The following GPX8 variants were observed in gnomAD, a reference collection of about 807,000 sequenced individuals.
The protein encoded by GPX8 is glutathione peroxidase 8 (putative), also known as protein peroxidase GPX8.
GPX8 carries 12 observed loss-of-function variants against 17.8 expected under a neutral mutation model. The observed-to-expected ratio is 0.67, with a 90% CI of 0.43 to 1.09. The LOEUF (loss-of-function observed/expected upper bound fraction) is 1.09. GPX8 is among the 50% of genes least tolerant of loss of function. The pLI is 0.00. For synonymous variants in GPX8, 86 were observed against 88.1 expected (o/e 0.98, Z 0.14); for missense variants, 209 against 235.6 (o/e 0.89, Z 0.74).
Position 55,166,840 on chromosome 5 carries a change from C to A in GPX8, c.*2622C>A, listed in dbSNP as rs894693801. 3 of 152,140 alleles carry A rather than the reference C, an allele frequency of 2.0e-5. No individual in the cohort carries two copies. Among genetic ancestry groups the A allele is most frequent in the Non-Finnish European group, 4.4e-5 (3 of 68,074 alleles). 9.4% of individuals were successfully genotyped at this position (152,140 alleles called of 1,614,324 possible). On this transcript the variant is annotated 3_prime_UTR_variant, in exon 3 of 3. Coordinates refer to ENST00000503787, the MANE Select transcript of GPX8 (RefSeq NM_001008397.4). ...GGTCAGGAGTTCGAGACCATCCTGGCCAACATGGTGAAACCCCCATCTCTA... is the reference window on the plus strand; with the variant it reads ...GGTCAGGAGTTCGAGACCATCCTGGACAACATGGTGAAACCCCCATCTCTA...
In GPX8 at chr5:55,161,131, G is replaced by A. The variant is rs1371337787; in HGVS notation, c.342G>A (p.Ser114=). The change falls in exon 2 of 3, where the codon TCG becomes TCA. Residue 114 remains serine, a synonymous_variant. Transcript: ENST00000503787. ...LAFPCNQFGE[S]EPRPSKEVES... ...TTCCCTGCAATCAGTTTGGAGAATC[G>A]GAGCCCCGCCCAAGCAAGGAAGTAG... 6 of 1,614,120 alleles carry A rather than the reference G, an allele frequency of 3.7e-6. No individual in the cohort carries two copies. The highest frequency in any genetic ancestry group is 4.2e-6 in the Non-Finnish European group (5 of 1,180,036).
At position 55,164,886 on chromosome 5, in the gene GPX8, G is replaced by T. The variant is rs1034074654; in HGVS notation, c.*668G>T. 6.6e-6 allele frequency: 1 copy of T among 151,996 alleles called. No homozygotes were observed. The highest frequency in any genetic ancestry group is 6.6e-5 in the Admixed American group (1 of 15,266). The allele number at this position is 151,996 out of a possible 1,614,324, so 9.4% of individuals were successfully genotyped here. On this transcript the variant is annotated 3_prime_UTR_variant, in exon 3 of 3. Transcript: ENST00000503787. ...TATAAATAGTCATTTATAAATGACC[G>T]TATTATAACATTTGAAAAAGTCTTC...
rs972371001 is a variant in GPX8, at chr5:55,160,207, A to G, written c.15A>G (p.Ala5=). The G allele has an allele frequency of 1.2e-6, 2 of 1,613,934 alleles. No homozygotes were observed. The highest frequency in any genetic ancestry group is 1.7e-5 in the Admixed American group (1 of 60,016). ...AATCCTCCAACATGGAGCCTCTTGC[A>G]GCTTACCCGCTAAAATGTTCCGGGC... The part of the protein sequence containing the change: MEPL[A]AYPLKCSGPR... Residue 5 remains alanine (A), a synonymous_variant, in exon 1 of 3, where the codon GCA becomes GCG. Transcript: ENST00000503787.
chr5:55,164,564 CCTCAATAT>C lies in GPX8; in HGVS notation c.*349_*356del, dbSNP rs377669720. 829 of 158,830 alleles carry C rather than the reference CCTCAATAT, an allele frequency of 5.2e-3. 7 individuals carry two copies. Among genetic ancestry groups the C allele is most frequent in the African/African-American group, 0.019 (790 of 41,820 alleles). The allele number at this position is 158,830 out of a possible 1,614,324, so 9.8% of individuals were successfully genotyped here. ...TTCAGAATACACAGTGACCAATGTG[CCTCAATAT>C]CTTATTGTTCAACTTGACATTTTCT... On this transcript the variant is annotated 3_prime_UTR_variant, in exon 3 of 3. Coordinates refer to ENST00000503787, the MANE Select transcript of GPX8 (RefSeq NM_001008397.4).
Position 55,166,557 on chromosome 5 carries a change from C to G in GPX8, c.*2339C>G, listed in dbSNP as rs1437833183. On this transcript the variant is annotated 3_prime_UTR_variant, in exon 3 of 3. Coordinates refer to ENST00000503787, the MANE Select transcript of GPX8 (RefSeq NM_001008397.4). ...CTGAGAGAGGGAGCGGAGTCATTTG[C>G]TGATGTGCTGCTACCTGTAACTCAA... 2.6e-5 allele frequency: 4 copies of G among 152,246 alleles called. No individual in the cohort carries two copies. The highest frequency in any genetic ancestry group is 4.4e-5 in the Non-Finnish European group (3 of 68,064). 9.4% of individuals were successfully genotyped at this position (152,246 alleles called of 1,614,324 possible). A position where few individuals can be genotyped will look rare whatever the true frequency, so the allele number is the denominator to read the frequency against.
chr5:55,160,853 C>A, intron 1 of GPX8, 141 bp from the exon 2 acceptor site: 1 of 861,886 alleles, frequency 1.2e-6, no homozygotes, highest in Non-Finnish European at 1.7e-6. Context: ...TTCAATAGAA[C>A]TGTGTATGTC....
At chr5:55,161,283 T>C (rs368112512) in intron 2 of GPX8, 28 bp downstream of exon 2, 1 of 1,590,804 alleles carries the variant, frequency 6.3e-7, no homozygotes, top group African/African-American at 1.4e-5. Flanking sequence ...ATATGCTGTT[T>C]TAAATTGCTT....
In GPX8 at chr5:55,164,230, C is replaced by G. The variant is rs374800679; in HGVS notation, c.*12C>G. ...AAGAGGATCTATGAGAATGCCATTG[C>G]GTTTCTAATAGAACAGAGAAATGTC... On this transcript the variant is annotated 3_prime_UTR_variant, in exon 3 of 3. Coordinates refer to ENST00000503787, the MANE Select transcript of GPX8 (RefSeq NM_001008397.4). The G allele has an allele frequency of 4.0e-6, 6 of 1,508,130 alleles. No homozygotes were observed. Among genetic ancestry groups the G allele is most frequent in the Non-Finnish European group, 5.4e-6 (6 of 1,117,948 alleles). 93.4% of individuals were successfully genotyped at this position (1,508,130 alleles called of 1,614,324 possible). A position where few individuals can be genotyped will look rare whatever the true frequency, so the allele number is the denominator to read the frequency against.
chr5:55,166,639 A>G lies in GPX8; in HGVS notation c.*2421A>G, dbSNP rs932424091. On this transcript the variant is annotated 3_prime_UTR_variant, in exon 3 of 3. Transcript: ENST00000503787. ...ATAGAGGAAAAGTTGAATCTTTCCT[A>G]TATTGGACAATCTTCCTTCAGTCTT... is the stretch of plus-strand genomic sequence containing the variant. 6.6e-6 allele frequency: 1 copy of G among 152,204 alleles called. No individual in the cohort carries two copies. Among genetic ancestry groups the G allele is most frequent in the Non-Finnish European group, 1.5e-5 (1 of 68,052 alleles). 9.4% of individuals were successfully genotyped at this position (152,204 alleles called of 1,614,324 possible).
chr5:55,162,351 C>T (rs916743313), intron 2 of GPX8, among the ~76,000 whole-genome samples: 1 of 152,094 alleles, frequency 6.6e-6, no homozygotes, highest in Non-Finnish European at 1.5e-5. Flanking sequence ...GCTGAAATCG[C>T]GCTACTGCAC....
chr5:55,164,440 A>G lies in GPX8; in HGVS notation c.*222A>G. 1 of 311,404 alleles carries G rather than the reference A, an allele frequency of 3.2e-6. No individual in the cohort carries two copies. 19.3% of individuals were successfully genotyped at this position (311,404 alleles called of 1,614,324 possible). On this transcript the variant is annotated 3_prime_UTR_variant, in exon 3 of 3. Coordinates refer to ENST00000503787, the MANE Select transcript of GPX8 (RefSeq NM_001008397.4). ...TTATCTTGCTATTAAGTGGTAATGA[A>G]TGTTCCCAGGATGAGGATGTTACCC...
At chr5:55,163,962 A>T in intron 2 of GPX8, 93 bp from the exon 3 acceptor site, 2 of 962,632 alleles carry the variant, frequency 2.1e-6, no homozygotes, top group Non-Finnish European at 1.5e-6. Flanking sequence ...AGAACTTGAT[A>T]CTAAAGTTAT....
intron 2 of GPX8, among the ~76,000 whole-genome samples, chr5:55,163,539 T>C (rs1744204772): frequency 6.6e-6 from 1 of 151,896 alleles, no homozygotes; most frequent in Admixed American, 6.6e-5. Flanking sequence ...AGAGTTTCAC[T>C]CTTGTCCCCC....
At chr5:55,160,560 G>T in intron 1 of GPX8, 164 bp downstream of exon 1, 1 of 572,944 alleles carries the variant, frequency 1.7e-6, no homozygotes, top group East Asian at 2.9e-5. Flanking sequence ...CTGATAGTTT[G>T]CTTCTAAATA....
rs756356113 is a variant in GPX8 at position 55,165,557 on chromosome 5, C to T, written c.*1339C>T. ...CTACCTCAGTATATAGTTCTGTATA[C>T]GTATTTGGACCAAAGTTATTAGATA... On this transcript the variant is annotated 3_prime_UTR_variant, in exon 3 of 3. Coordinates refer to ENST00000503787, the MANE Select transcript of GPX8 (RefSeq NM_001008397.4). 1.8e-4 allele frequency: 28 copies of T among 152,172 alleles called. 1 individual carries two copies. The highest frequency in any genetic ancestry group is 3.2e-4 in the Non-Finnish European group (22 of 68,032). The allele number at this position is 152,172 out of a possible 1,614,324, so 9.4% of individuals were successfully genotyped here.
chr5:55,160,323 T>C lies in GPX8; in HGVS notation c.131T>C (p.Ile44Thr). ...LLQLKFLKPKINSFYAFEVKD... is the reference protein window; with the variant it reads ...LLQLKFLKPKTNSFYAFEVKD... The stretch of plus-strand genomic sequence containing the variant: ...CAACTAAAATTCCTCAAACCTAAAA[T>C]CAACAGCTTTTATGCCTTTGAAGTG... The change falls in exon 1 of 3, where the codon ATC becomes ACC. Residue 44 changes from isoleucine to threonine, a missense_variant. Physicochemically the swap from Ile to Thr is moderately conservative, Grantham distance 89. Coordinates refer to ENST00000503787, the MANE Select transcript of GPX8 (RefSeq NM_001008397.4). 6.2e-7 allele frequency: 1 copy of C among 1,613,862 alleles called. No individual in the cohort carries two copies. Among genetic ancestry groups the C allele is most frequent in the African/African-American group, 1.3e-5 (1 of 75,036 alleles).
Position 55,164,286 on chromosome 5 carries a change from T to G in GPX8, c.*68T>G, listed in dbSNP as rs1744260606. On this transcript the variant is annotated 3_prime_UTR_variant, in exon 3 of 3. Coordinates refer to ENST00000503787, the MANE Select transcript of GPX8 (RefSeq NM_001008397.4). ...GAGGGTTTGGTCTCATTTTAAACAT[T>G]TTTTTTTTGGAGACAGTGTCTCACT... is the stretch of plus-strand genomic sequence containing the variant. The G allele has an allele frequency of 5.6e-6, 7 of 1,242,722 alleles. No individual in the cohort carries two copies. The highest frequency in any genetic ancestry group is 5.5e-5 in the Admixed American group (2 of 36,174). The allele number at this position is 1,242,722 out of a possible 1,614,324, so 77.0% of individuals were successfully genotyped here.
At chr5:55,162,090 C>CAAAAAAAAA (rs34286995) in intron 2 of GPX8, among the ~76,000 whole-genome samples, 1 of 90,730 alleles carries the variant, frequency 1.1e-5, no homozygotes, top group Non-Finnish European at 2.2e-5. Context: ...CCATATTAGT[C>CAAAAAAAAA]AAAAAAAAAA....
At position 55,164,209 on chromosome 5, in the gene GPX8, G is replaced by T. The variant is rs760359578; in HGVS notation, c.621G>T (p.Glu207Asp). The T allele has an allele frequency of 1.4e-5, 21 of 1,536,948 alleles. No individual in the cohort carries two copies. The highest frequency in any genetic ancestry group is 1.8e-5 in the Non-Finnish European group (20 of 1,135,016). ...LVRQVIIKKKEDL is the reference protein window; with the variant it reads ...LVRQVIIKKKDDL ...GACAAGTGATCATAAAAAAGAAAGA[G>T]GATCTATGAGAATGCCATTGCGTTT... The change falls in exon 3 of 3, where the codon GAG (glutamate) becomes GAT (aspartate). Residue 207 changes from glutamate (E) to aspartate (D), a missense_variant. Glu to Asp is a conservative substitution (Grantham distance 45). Coordinates refer to ENST00000503787, the MANE Select transcript of GPX8 (RefSeq NM_001008397.4).
Sources: gnomAD v4.1 joint callset for allele counts (sites outside exome capture counted in the v4.1 genomes callset) on GRCh38, gnomAD v4.1.1 for gene constraint, MANE v1.5 for transcripts, NCBI Gene and HGNC (gene_info 2026-07-23, HGNC 2026-07-21) for gene names.